NFAM1: variants seen among roughly 807,000 people sequenced by gnomAD.
The protein encoded by NFAM1 is NFAT activation molecule 1.
NFAM1 carries 17 observed loss-of-function variants against 29.0 expected under a neutral mutation model. The ratio of observed to expected loss-of-function variants is 0.59; its 90% CI spans 0.40 to 0.88. The LOEUF (loss-of-function observed/expected upper bound fraction) is 0.88. Ranked by LOEUF, NFAM1 falls within the 40% of genes least tolerant of loss-of-function variation. The pLI is 0.00. For synonymous variants in NFAM1, 175 were observed against 147.2 expected (o/e 1.19, Z -1.36); for missense variants, 324 against 344.6 (o/e 0.94, Z 0.47).
chr22:42,397,121 A>T (rs564767814), intron 4 of NFAM1, among the ~76,000 whole-genome samples: 1 of 152,300 alleles, frequency 6.6e-6, no homozygotes, highest in Non-Finnish European at 1.5e-5. Flanking sequence ...TTGTTCGTGG[A>T]GCCGAAAGGA....
rs1477886111 is a variant in NFAM1 at position 42,419,351 on chromosome 22, G to A, written c.122-7615C>T. Among the ~76,000 whole-genome samples, 3 of 152,104 alleles carry A rather than the reference G, an allele frequency of 2.0e-5. No homozygotes were observed. Among genetic ancestry groups the A allele is most frequent in the Non-Finnish European group, 4.4e-5 (3 of 68,030 alleles). ...GAACCGGCAGGGGCTCCCTGCTGGA[G>A]GAGACCCAGGAAGGAGTCTGAAATC... On this transcript the variant is annotated intron_variant, in intron 1 of 5. Coordinates refer to ENST00000329021, the MANE Select transcript of NFAM1 (RefSeq NM_145912.8). The surrounding 1 kb of genome is among the most constrained non-coding windows in gnomAD (Gnocchi z 4.5).
chr22:42,429,972 C>A (rs1369956565), intron 1 of NFAM1, among the ~76,000 whole-genome samples: 1 of 152,018 alleles, frequency 6.6e-6, no homozygotes, highest in Non-Finnish European at 1.5e-5. Flanking sequence ...GGACAAAGAG[C>A]GGGTTGGGGG....
chr22:42,415,392 T>C (rs1555972114), intron 1 of NFAM1, among the ~76,000 whole-genome samples: 1 of 148,046 alleles, frequency 6.8e-6, no homozygotes, highest in Non-Finnish European at 1.5e-5. Flanking sequence ...CTCTACCTCC[T>C]GGGTTCACGC....
At chr22:42,415,849 T>C (rs541889467) in intron 1 of NFAM1, among the ~76,000 whole-genome samples, 4 of 152,252 alleles carry the variant, frequency 2.6e-5, no homozygotes, top group East Asian at 1.9e-4. Context: ...CCCACAAACA[T>C]TGAAGGGGTA....
intron 1 of NFAM1, among the ~76,000 whole-genome samples, chr22:42,428,256 G>A (rs1209491819): frequency 2.0e-5 from 3 of 152,008 alleles, no homozygotes; most frequent in African/African-American, 2.4e-5. Flanking sequence ...TCCCCACTCC[G>A]CGGGCAGCCT....
At chr22:42,394,819 A>G (rs1161139062) in intron 4 of NFAM1, among the ~76,000 whole-genome samples, 1 of 152,232 alleles carries the variant, frequency 6.6e-6, no homozygotes, top group Non-Finnish European at 1.5e-5. Context: ...TGGAAAAAAA[A>G]TAAGGTATAA....
chr22:42,433,291 G>C (rs930952671), upstream of NFAM1, among the ~76,000 whole-genome samples: 1 of 152,216 alleles, frequency 6.6e-6, no homozygotes, highest in Non-Finnish European at 1.5e-5. Context: ...CATGGAAGAC[G>C]CAGGCGGGAA....
chr22:42,409,851 G>A lies in NFAM1; in HGVS notation c.452-304C>T, dbSNP rs964734032. Among the ~76,000 whole-genome samples the A allele has an allele frequency of 7.2e-5, 11 of 152,270 alleles. No individual in the cohort carries two copies. Among genetic ancestry groups the A allele is most frequent in the Admixed American group, 1.3e-4 (2 of 15,300 alleles). ...CCCTGAGCGAGATGTCTCCCCTCTCGGGGCCTCTTCTTTTCCCTGTGTGAG... is the reference window on the plus strand; with the variant it reads ...CCCTGAGCGAGATGTCTCCCCTCTCAGGGCCTCTTCTTTTCCCTGTGTGAG... On this transcript the variant is annotated intron_variant, in intron 2 of 5. Coordinates refer to ENST00000329021, the MANE Select transcript of NFAM1 (RefSeq NM_145912.8). This position sits in a 1 kb window ranked among gnomAD's most constrained non-coding sequence, Gnocchi z 4.9.
chr22:42,395,985 A>G (rs1929512208), intron 4 of NFAM1, among the ~76,000 whole-genome samples: 1 of 152,180 alleles, frequency 6.6e-6, no homozygotes, highest in South Asian at 2.1e-4. Context: ...AAAATATAAC[A>G]GGTGTAAAGT....
At position 42,389,904 on chromosome 22, in the gene NFAM1, T is replaced by C. The variant is rs143979034; in HGVS notation, c.664-2826A>G. Among the ~76,000 whole-genome samples the C allele has an allele frequency of 2.6e-3, 401 of 152,154 alleles. 3 individuals carry two copies. The highest frequency in any genetic ancestry group is 9.2e-3 in the African/African-American group (382 of 41,502). ...GGACCTAGTCTGAGAGTCCTGGGCA[T>C]TGGGGGTGATGGGTGAGATCTGGGG... On this transcript the variant is annotated intron_variant, in intron 4 of 5. Transcript: ENST00000329021.
chr22:42,398,297 C>T (rs1001496237), intron 3 of NFAM1, among the ~76,000 whole-genome samples: 2 of 152,176 alleles, frequency 1.3e-5, no homozygotes, highest in African/African-American at 4.8e-5. Context: ...CCTAGTGGTG[C>T]CAGCCAGGTC....
chr22:42,424,186 CG>C (rs1482589527), intron 1 of NFAM1, among the ~76,000 whole-genome samples: 3 of 151,924 alleles, frequency 2.0e-5, no homozygotes, highest in Non-Finnish European at 4.4e-5. Context: ...GAGGCCAAGG[CG>C]GGCGGATCAC....
chr22:42,406,827 T>A (rs1929915030), intron 3 of NFAM1, among the ~76,000 whole-genome samples: 1 of 152,042 alleles, frequency 6.6e-6, no homozygotes, highest in Non-Finnish European at 1.5e-5. Context: ...CAGGCTGGAG[T>A]GCAGTGGTGC....
In NFAM1 at chr22:42,432,293, G is replaced by T; in HGVS notation, c.65C>A (p.Ala22Glu). 6.4e-7 allele frequency: 1 copy of T among 1,573,532 alleles called. No individual in the cohort carries two copies. Among genetic ancestry groups the T allele is most frequent in the Non-Finnish European group, 8.6e-7 (1 of 1,159,174 alleles). ...CACGCCAAGGAGGAGCCAGGGGGCT[G>T]CGGGGAGCCCAGGAGGGCGTGGGAG... The part of the protein sequence containing the change: ...PGLPRPPGLP[A>E]APWLLLGVLL... Residue 22 changes from alanine (A) to glutamate (E), a missense_variant, in exon 1 of 6, where the codon GCA (alanine) becomes GAA (glutamate). Coordinates refer to ENST00000329021, the MANE Select transcript of NFAM1 (RefSeq NM_145912.8).
In NFAM1 at chr22:42,388,184, A is replaced by G. The variant is rs1456587735; in HGVS notation, c.664-1106T>C. 6.7e-6 allele frequency among the ~76,000 whole-genome samples: 1 copy of G among 149,848 alleles called. No homozygotes were observed. Among genetic ancestry groups the G allele is most frequent in the Non-Finnish European group, 1.5e-5 (1 of 67,684 alleles). ...AAGAACCGGGGCTTTAAAGTCAGACAAGAGTAGGTTCGAATCTCGGCTCTG... is the reference window on the plus strand; with the variant it reads ...AAGAACCGGGGCTTTAAAGTCAGACGAGAGTAGGTTCGAATCTCGGCTCTG... On this transcript the variant is annotated intron_variant, in intron 4 of 5. Coordinates refer to ENST00000329021, the MANE Select transcript of NFAM1 (RefSeq NM_145912.8). The surrounding 1 kb of genome is among the most constrained non-coding windows in gnomAD (Gnocchi z 4.1).
intron 4 of NFAM1, among the ~76,000 whole-genome samples, chr22:42,394,366 T>C (rs866774749): frequency 2.0e-5 from 3 of 151,696 alleles, no homozygotes; most frequent in Non-Finnish European, 4.4e-5. Flanking sequence ...CCTTATTAAT[T>C]TAAAAAAAAA....
rs955437814 is a variant in NFAM1, at chr22:42,388,863, C to T, written c.664-1785G>A. Among the ~76,000 whole-genome samples, 24 of 152,202 alleles carry T rather than the reference C, an allele frequency of 1.6e-4. No individual in the cohort carries two copies. The Middle Eastern group carries it at 0.01, about 65-fold the overall frequency. ...ACCTGCTTCCTTGTAGGAAAGGGAC[C>T]AGGGCTGCCCCAGGAAGAAGCCTCA... is the stretch of plus-strand genomic sequence containing the variant. On this transcript the variant is annotated intron_variant, in intron 4 of 5. Transcript: ENST00000329021. This position sits in a 1 kb window ranked among gnomAD's most constrained non-coding sequence, Gnocchi z 4.1.
chr22:42,402,466 G>C (rs1011210507), intron 3 of NFAM1, among the ~76,000 whole-genome samples: 2 of 152,204 alleles, frequency 1.3e-5, no homozygotes, highest in South Asian at 2.1e-4. Flanking sequence ...ACAGAGCGCG[G>C]AAGGGCTCGG....
chr22:42,416,680 G>C (rs1370075513), intron 1 of NFAM1, among the ~76,000 whole-genome samples: 2 of 152,200 alleles, frequency 1.3e-5, no homozygotes, highest in Non-Finnish European at 2.9e-5. Context: ...CTCACCCCAG[G>C]CTGAGAGGGG....
Sources: allele counts gnomAD v4.1 joint callset (sites outside exome capture counted in the v4.1 genomes callset), GRCh38; gene constraint gnomAD v4.1.1; non-coding constraint Gnocchi (gnomAD v3.1); transcripts MANE v1.5; gene names NCBI Gene and HGNC (gene_info 2026-07-23, HGNC 2026-07-21).